The following RBPMS2 variants were observed in gnomAD, a reference collection of about 807,000 sequenced individuals.
RBPMS2 encodes RNA binding protein, mRNA processing factor 2.
A neutral mutation model predicts 25.7 loss-of-function variants in RBPMS2; 14 were observed. The ratio of observed to expected loss-of-function variants is 0.55; its 90% CI spans 0.36 to 0.85. The LOEUF is 0.85. Ranked by LOEUF, RBPMS2 falls within the 40% of genes least tolerant of loss-of-function variation. RBPMS2 has a pLI of 0.01. For missense variants in RBPMS2, 252 were observed against 283.4 expected (o/e 0.89, Z 0.80); for synonymous variants, 127 against 115.6 (o/e 1.10, Z -0.63).
At chr15:64,749,813 AAAGT>A (rs1328694732) in intron 3 of RBPMS2, among the ~76,000 whole-genome samples, 1 of 152,184 alleles carries the variant, frequency 6.6e-6, no homozygotes, top group Non-Finnish European at 1.5e-5. Context: ...CAGATAACTA[AAAGT>A]AAGTCCCAGT....
At chr15:64,764,249 G>C (rs1220656515) in intron 1 of RBPMS2, among the ~76,000 whole-genome samples, 1 of 152,172 alleles carries the variant, frequency 6.6e-6, no homozygotes, top group African/African-American at 2.4e-5. Context: ...TGCCTGGCAA[G>C]GGTTGCAGTT....
intron 1 of RBPMS2, among the ~76,000 whole-genome samples, chr15:64,772,392 G>A (rs1260842720): frequency 6.6e-6 from 1 of 151,832 alleles, no homozygotes; most frequent in Non-Finnish European, 1.5e-5. Flanking sequence ...TAGATTGGGA[G>A]GGACATTCAG....
intron 6 of RBPMS2, among the ~76,000 whole-genome samples, chr15:64,743,646 G>A (rs60254932): frequency 2.1e-4 from 1 of 4,850 alleles, no homozygotes; most frequent in African/African-American, 2.5e-4. Context: ...GCCCAGGGGG[G>A]GGGGGGCTCC....
At chr15:64,772,192 G>C (rs2083897268) in intron 1 of RBPMS2, among the ~76,000 whole-genome samples, 1 of 152,142 alleles carries the variant, frequency 6.6e-6, no homozygotes, top group Non-Finnish European at 1.5e-5. Flanking sequence ...TTTCAAAATA[G>C]AAATCACATT....
chr15:64,761,748 G>A (rs2083790080), intron 1 of RBPMS2, among the ~76,000 whole-genome samples: 1 of 142,618 alleles, frequency 7.0e-6, no homozygotes, highest in African/African-American at 2.6e-5. Context: ...TGTCGCCCAG[G>A]CTGCAATGCA....
chr15:64,747,823 CCT>C (rs778071636), intron 6 of RBPMS2, among the ~76,000 whole-genome samples: 21 of 152,332 alleles, frequency 1.4e-4, no homozygotes, highest in Admixed American at 3.3e-4. Context: ...GCATTCACTC[CCT>C]GTTTCCTGCC....
intron 1 of RBPMS2, among the ~76,000 whole-genome samples, chr15:64,773,563 C>T (rs756454185): frequency 6.6e-6 from 1 of 152,146 alleles, no homozygotes; most frequent in Non-Finnish European, 1.5e-5. Flanking sequence ...GTGGCTAAAA[C>T]CTCAAATGCT....
At chr15:64,758,881 G>A (rs1016006997) in intron 1 of RBPMS2, among the ~76,000 whole-genome samples, 3 of 151,958 alleles carry the variant, frequency 2.0e-5, no homozygotes, top group Admixed American at 6.5e-5. Flanking sequence ...GCTCTCTCCC[G>A]CCAGCCAGTG....
chr15:64,750,235 G>A, intron 3 of RBPMS2, 108 bp downstream of exon 3: 1 of 976,432 alleles, frequency 1.0e-6, no homozygotes, highest in South Asian at 1.3e-5. Context: ...GGGAGCGCAA[G>A]TCTGTACCGC....
chr15:64,769,475 C>T lies in RBPMS2; in HGVS notation c.87+5758G>A, dbSNP rs369351998. On this transcript the variant is annotated intron_variant, in intron 1 of 7. Coordinates refer to ENST00000300069, the MANE Select transcript of RBPMS2 (RefSeq NM_194272.3). ...AAAATAAAATCCATCCTGGCTAACA[C>T]GGTGAAACCCCATCTCTACTAAAAA... is the stretch of plus-strand genomic sequence containing the variant. 6.2e-5 allele frequency among the ~76,000 whole-genome samples: 9 copies of T among 145,944 alleles called. No homozygotes were observed. The South Asian group carries it at 8.9e-4, about 14-fold the overall frequency.
chr15:64,748,329 G>C (rs2083638045), intron 6 of RBPMS2, 90 bp downstream of exon 6: 1 of 1,359,140 alleles, frequency 7.4e-7, no homozygotes, highest in Admixed American at 2.0e-5. Context: ...TGCAGCTCTG[G>C]GACAGCAGCG....
chr15:64,750,426 G>A lies in RBPMS2; in HGVS notation c.166-45C>T, dbSNP rs375439859. The A allele has an allele frequency of 3.8e-6, 6 of 1,564,490 alleles. No individual in the cohort carries two copies. In the African/African-American group the frequency reaches 8.1e-5, roughly 21 times the overall value. ...TTACCGTGGAAGGTCAGAAGCGTAT[G>A]TTGTGCTAGCCCAGCGCTGCCACCT... On this transcript the variant is annotated intron_variant, in intron 2 of 7. Coordinates refer to ENST00000300069, the MANE Select transcript of RBPMS2 (RefSeq NM_194272.3).
At chr15:64,769,525 C>T (rs1251066287) in intron 1 of RBPMS2, among the ~76,000 whole-genome samples, 1 of 150,706 alleles carries the variant, frequency 6.6e-6, no homozygotes, top group Non-Finnish European at 1.5e-5. Flanking sequence ...CCGGGCGTAG[C>T]AGCGGGCGCC....
intron 1 of RBPMS2, among the ~76,000 whole-genome samples, chr15:64,759,430 T>C (rs1487733907): frequency 6.6e-6 from 1 of 152,102 alleles, no homozygotes; most frequent in East Asian, 1.9e-4. Flanking sequence ...CACAGCCCTC[T>C]CCAGCCTAGA....
At chr15:64,775,166 C>CGCTCGCCCTCTCCCGCGCCCGCCTG in intron 1 of RBPMS2, 67 bp downstream of exon 1, 1 of 953,452 alleles carries the variant, frequency 1.0e-6, no homozygotes, top group Non-Finnish European at 1.3e-6. Flanking sequence ...CGGCAGGCCC[C>CGCTCGCCCTCTCCCGCGCCCGCCTG]GCTCGCCCTC....
chr15:64,757,396 A>G (rs945528253), intron 1 of RBPMS2, among the ~76,000 whole-genome samples: 1 of 152,308 alleles, frequency 6.6e-6, no homozygotes, highest in East Asian at 1.9e-4. Context: ...ATTTACCTGC[A>G]CAAGGATCTC....
chr15:64,741,204 T>C lies in RBPMS2; in HGVS notation c.606A>G (p.Gly202=). ...WYPSSDTTQQ[G]WKYRQFC is the part of the protein sequence containing the mutation. ...ACTAACAGAACTGACGGTACTTCCA[T>C]CCTTGCTGGGTGGTGTCAGAGGAAG... Residue 202 remains glycine, a synonymous_variant, in exon 7 of 8, where the codon GGA becomes GGG. Transcript: ENST00000300069. 6.3e-7 allele frequency: 1 copy of C among 1,590,768 alleles called. No individual in the cohort carries two copies. Among genetic ancestry groups the C allele is most frequent in the Non-Finnish European group, 8.6e-7 (1 of 1,168,442 alleles).
chr15:64,745,634 C>T (rs1236604399), intron 6 of RBPMS2, among the ~76,000 whole-genome samples: 1 of 152,190 alleles, frequency 6.6e-6, no homozygotes, highest in East Asian at 1.9e-4. Flanking sequence ...TTTAGGCCAC[C>T]ATCTTTCTAT....
chr15:64,757,947 A>G (rs1436577419), intron 1 of RBPMS2, among the ~76,000 whole-genome samples: 1 of 152,196 alleles, frequency 6.6e-6, no homozygotes, highest in Non-Finnish European at 1.5e-5. Flanking sequence ...CTTGAATTCC[A>G]GCCTGGGCAA....
Sources: gnomAD v4.1 joint callset for allele counts (sites outside exome capture counted in the v4.1 genomes callset) on GRCh38, gnomAD v4.1.1 for gene constraint, MANE v1.5 for transcripts, NCBI Gene and HGNC (gene_info 2026-07-23, HGNC 2026-07-21) for gene names.